Variants in DCC observed in about 807,000 individuals in gnomAD.
The protein encoded by DCC is netrin receptor DCC.
DCC carries 58 observed loss-of-function variants against 172.5 expected under a neutral mutation model. The ratio of observed to expected loss-of-function variants is 0.34; its 90% CI spans 0.27 to 0.42. DCC has a LOEUF of 0.42. Among genes scored for constraint, DCC ranks in the 10% least tolerant of loss-of-function variants. The pLI is 1.00. For missense variants in DCC, 1,740 were observed against 1,791.0 expected (o/e 0.97, Z 0.51); for synonymous variants, 709 against 644.5 (o/e 1.10, Z -1.52).
At chr18:53,089,966 C>A (rs2042979032) in intron 7 of DCC, among the ~76,000 whole-genome samples, 1 of 152,152 alleles carries the variant, frequency 6.6e-6, no homozygotes, top group South Asian at 2.1e-4. Flanking sequence ...ATTTCCAGTA[C>A]AAATAGCATC....
intron 2 of DCC, among the ~76,000 whole-genome samples, chr18:52,813,066 G>A (rs2038230098): frequency 6.6e-6 from 1 of 152,154 alleles, no homozygotes; most frequent in Admixed American, 6.5e-5. Context: ...GCTTAAGATA[G>A]CTATGTTTTA....
chr18:52,939,263 A>C (rs2040425995), intron 5 of DCC, among the ~76,000 whole-genome samples: 1 of 151,384 alleles, frequency 6.6e-6, no homozygotes, highest in Non-Finnish European at 1.5e-5. Flanking sequence ...CTTGTGGCTG[A>C]CTCTTCGACT....
At chr18:53,182,317 G>T (rs1457414729) in intron 9 of DCC, among the ~76,000 whole-genome samples, 1 of 152,126 alleles carries the variant, frequency 6.6e-6, no homozygotes, top group African/African-American at 2.4e-5. Flanking sequence ...TAACAGCATT[G>T]TTCTATTAAA....
At chr18:53,351,314 TAC>T (rs1555656747) in intron 15 of DCC, among the ~76,000 whole-genome samples, 191 of 18,200 alleles carry the variant, frequency 0.01, 23 homozygotes, top group African/African-American at 0.02. Flanking sequence ...TATATATATA[TAC>T]ACTGTATATA....
At chr18:52,762,820 C>CT (rs1438232633) in intron 2 of DCC, among the ~76,000 whole-genome samples, 1 of 151,924 alleles carries the variant, frequency 6.6e-6, no homozygotes, top group Admixed American at 6.6e-5. Context: ...GAGATCACAA[C>CT]TTAAAAAAAA....
chr18:52,950,929 C>CAAAAAAAAAAAAAAAAAAAA (rs755118442), intron 5 of DCC, among the ~76,000 whole-genome samples: 4 of 57,424 alleles, frequency 7.0e-5, no homozygotes, highest in Admixed American at 3.0e-4. Flanking sequence ...GACTCCGTCT[C>CAAAAAAAAAAAAAAAAAAAA]AAAAAAAAAA....
chr18:52,732,777 A>G (rs542244030), intron 1 of DCC, among the ~76,000 whole-genome samples: 4 of 152,294 alleles, frequency 2.6e-5, no homozygotes, highest in African/African-American at 4.8e-5. Context: ...AAAAATCAAC[A>G]TAACAATAAT....
intron 2 of DCC, among the ~76,000 whole-genome samples, chr18:52,809,109 G>A (rs2038145180): frequency 6.6e-6 from 1 of 152,176 alleles, no homozygotes; most frequent in African/African-American, 2.4e-5. Context: ...AGGTTTGGGT[G>A]CAGCAGGGAT....
chr18:53,520,616 C>T (rs1023076330), intron 27 of DCC, among the ~76,000 whole-genome samples: 2 of 151,902 alleles, frequency 1.3e-5, no homozygotes, highest in Non-Finnish European at 2.9e-5. Flanking sequence ...CTTGTAGGGA[C>T]CCAGATTTCA....
intron 2 of DCC, among the ~76,000 whole-genome samples, chr18:52,793,401 C>A (rs574473304): frequency 6.6e-6 from 1 of 152,274 alleles, no homozygotes; most frequent in African/African-American, 2.4e-5. Context: ...TTTGAAGCTG[C>A]TTTTTATTAA....
intron 12 of DCC, among the ~76,000 whole-genome samples, chr18:53,222,657 A>C (rs1182265464): frequency 6.8e-6 from 1 of 147,314 alleles, no homozygotes; most frequent in East Asian, 1.9e-4. Flanking sequence ...AAATGCTAAG[A>C]TTACAGGCGT....
chr18:52,348,578 A>G (rs1423397688), intron 1 of DCC, among the ~76,000 whole-genome samples: 6 of 152,118 alleles, frequency 3.9e-5, no homozygotes, highest in African/African-American at 1.2e-4. Context: ...TTTGTTAGCT[A>G]TTTGTGATGT....
intron 3 of DCC, among the ~76,000 whole-genome samples, chr18:52,909,003 C>A (rs547095443): frequency 6.6e-6 from 1 of 152,008 alleles, no homozygotes; most frequent in African/African-American, 2.4e-5. Context: ...AAGGAGAATG[C>A]TTTTAACACA....
chr18:53,358,105 A>G (rs1282843701), intron 15 of DCC, among the ~76,000 whole-genome samples: 2 of 152,148 alleles, frequency 1.3e-5, no homozygotes, highest in Admixed American at 6.6e-5. Context: ...TCCAATTACT[A>G]TATTCTAAAT....
At chr18:53,261,191 G>T (rs761281684) in intron 12 of DCC, among the ~76,000 whole-genome samples, 10 of 152,118 alleles carry the variant, frequency 6.6e-5, no homozygotes, top group African/African-American at 1.9e-4. Context: ...CTCACATTCA[G>T]TGTGCTGCAC....
chr18:53,189,691 C>T (rs1343741245), intron 9 of DCC, among the ~76,000 whole-genome samples: 2 of 152,216 alleles, frequency 1.3e-5, no homozygotes, highest in Non-Finnish European at 2.9e-5. Context: ...CTAACCCTGC[C>T]TTGTAAGTTG....
rs953055773 is a variant in DCC, at chr18:53,530,853, T to C, written c.*200T>C. On this transcript the variant is annotated 3_prime_UTR_variant, in exon 29 of 29. Transcript: ENST00000442544. The stretch of plus-strand genomic sequence containing the variant: ...ACAGGCATCAGGAATTGTCAAATGA[T>C]GATTATGAGTTCCCTAAACAAAAGC... 9.4e-6 allele frequency: 6 copies of C among 639,296 alleles called. No homozygotes were observed. The African/African-American group carries it at 1.1e-4, about 12-fold the overall frequency. The allele number at this position is 639,296 out of a possible 1,614,324, so 39.6% of individuals were successfully genotyped here. A position where few individuals can be genotyped will look rare whatever the true frequency, so the allele number is the denominator to read the frequency against.
intron 12 of DCC, among the ~76,000 whole-genome samples, chr18:53,218,131 G>A (rs2055881440): frequency 6.6e-6 from 1 of 152,120 alleles, no homozygotes; most frequent in Middle Eastern, 3.2e-3. Flanking sequence ...TTACAGGCAT[G>A]AGTGACCATG....
chr18:53,048,708 C>T, intron 5 of DCC, among the ~76,000 whole-genome samples: 1 of 150,824 alleles, frequency 6.6e-6, no homozygotes, highest in African/African-American at 2.4e-5. Context: ...TGGATATATA[C>T]TCAATGATGG....
Sources: allele counts gnomAD v4.1 joint callset (sites outside exome capture counted in the v4.1 genomes callset), GRCh38; gene constraint gnomAD v4.1.1; transcripts MANE v1.5; gene names NCBI Gene and HGNC (gene_info 2026-07-23, HGNC 2026-07-21).